PLXNA4: variants seen among roughly 807,000 people sequenced by gnomAD.
PLXNA4 encodes plexin A4.
PLXNA4 carries 44 observed loss-of-function variants against 191.8 expected under a neutral mutation model. That is an observed-to-expected ratio of 0.23 (90% CI 0.18 to 0.29). The LOEUF (loss-of-function observed/expected upper bound fraction) is 0.29, where lower values mean the gene tolerates loss of function less well. PLXNA4 is among the 10% of genes least tolerant of loss of function. The pLI is 1.00. For missense variants in PLXNA4, 1,800 were observed against 2,488.8 expected, an observed-to-expected ratio of 0.72 and a Z score of 5.89; for synonymous variants, 1,082 against 1,009.5, an observed-to-expected ratio of 1.07 and a Z score of -1.36.
chr7:132,164,111 A>G (rs1371779998), intron 24 of PLXNA4, 31 bp downstream of exon 24: 1 of 1,612,244 alleles, frequency 6.2e-7, no homozygotes, highest in Admixed American at 1.7e-5. Context: ...CGCCTGTCAA[A>G]GCCCCAGGGG....
intron 1 of PLXNA4, among the ~76,000 whole-genome samples, chr7:132,564,960 G>T (rs560437046): frequency 2.0e-5 from 3 of 151,624 alleles, no homozygotes; most frequent in Admixed American, 2.0e-4. Context: ...TCTCCTTTCC[G>T]ACCTGCCATC....
intron 3 of PLXNA4, among the ~76,000 whole-genome samples, chr7:132,359,004 G>C (rs1803821304): frequency 6.6e-6 from 1 of 152,148 alleles, no homozygotes. Context: ...ACCAGAATCA[G>C]ACCACCTGGG....
chr7:132,196,266 C>T (rs539152211), intron 13 of PLXNA4, among the ~76,000 whole-genome samples: 1 of 152,340 alleles, frequency 6.6e-6, no homozygotes, highest in Non-Finnish European at 1.5e-5. Context: ...TCTTGCCTAC[C>T]TACCATGCCA....
intron 20 of PLXNA4, among the ~76,000 whole-genome samples, chr7:132,178,733 T>TACACACACACACACAC (rs1483083663): frequency 2.5e-5 from 1 of 39,608 alleles, no homozygotes; most frequent in Non-Finnish European, 4.3e-5. Flanking sequence ...CACACACACT[T>TACACACACACACACAC]GTAAATGAAA....
chr7:132,565,206 G>A (rs889611916), intron 1 of PLXNA4, among the ~76,000 whole-genome samples: 5 of 152,152 alleles, frequency 3.3e-5, no homozygotes, highest in African/African-American at 7.2e-5. Context: ...GGCTGCAGAC[G>A]CGAAACAGCA....
chr7:132,129,751 T>C lies in PLXNA4; in HGVS notation c.*728A>G, dbSNP rs1794872928. The C allele has an allele frequency of 6.5e-6, 1 of 152,688 alleles. No homozygotes were observed. The highest frequency in any genetic ancestry group is 2.4e-5 in the African/African-American group (1 of 41,456). The allele number at this position is 152,688 out of a possible 1,614,324, so 9.5% of individuals were successfully genotyped here. Reference sequence around the variant, plus strand: ...GGAATGTAATTGCTATTCTTTCTCCTGCCTGGCTTTCTACTGGCGGGGGAG... The same window carrying C: ...GGAATGTAATTGCTATTCTTTCTCCCGCCTGGCTTTCTACTGGCGGGGGAG... On this transcript the variant is annotated 3_prime_UTR_variant, in exon 32 of 32. Transcript: ENST00000321063.
chr7:132,153,997 A>G (rs6962290), intron 25 of PLXNA4, among the ~76,000 whole-genome samples: 20,914 of 152,220 alleles, frequency 0.14, 2,189 homozygotes, highest in African/African-American at 0.29. Flanking sequence ...GCCACTAACC[A>G]GGCTAGGTAG....
At chr7:132,517,279 A>C (rs1798979129) in intron 1 of PLXNA4, among the ~76,000 whole-genome samples, 1 of 152,146 alleles carries the variant, frequency 6.6e-6, no homozygotes, top group South Asian at 2.1e-4. Flanking sequence ...TCCAGGTGTG[A>C]CTGTGTGAAT....
In PLXNA4 at chr7:132,223,744, A is replaced by G. The variant is rs976438239; in HGVS notation, c.1983-103T>C. 6 of 858,966 alleles carry G rather than the reference A, an allele frequency of 7.0e-6. No individual in the cohort carries two copies. In the African/African-American group the frequency reaches 1.0e-4, roughly 14 times the overall value. The allele number at this position is 858,966 out of a possible 1,614,324, so 53.2% of individuals were successfully genotyped here. A position where few individuals can be genotyped will look rare whatever the true frequency, so the allele number is the denominator to read the frequency against. ...AGCAAAACATTTTTAGTATTAAGAG[A>G]AACCACCGTTGAATGTGCAGGAAGG... On this transcript the variant is annotated intron_variant, in intron 8 of 31. Transcript: ENST00000321063.
intron 3 of PLXNA4, among the ~76,000 whole-genome samples, chr7:132,428,158 A>T: frequency 6.6e-6 from 1 of 152,106 alleles, no homozygotes; most frequent in Middle Eastern, 3.2e-3. Context: ...CCCACCAGAG[A>T]ACCCTGCAGT....
In PLXNA4 at chr7:132,508,544, A is replaced by T; in HGVS notation, c.150T>A (p.Gly50=). 3 of 1,613,776 alleles carry T rather than the reference A, an allele frequency of 1.9e-6. No individual in the cohort carries two copies. Among genetic ancestry groups the T allele is most frequent in the Non-Finnish European group, 2.5e-6 (3 of 1,179,932 alleles). The change falls in exon 2 of 32, where the codon GGT becomes GGA. Residue 50 remains glycine (G), a synonymous_variant. Transcript: ENST00000321063. This position sits in a 1 kb window ranked among gnomAD's most constrained non-coding sequence, Gnocchi z 4.4. ...FVTFRGEPAE[G]FNHLVVDERT... is the part of the protein sequence containing the mutation. ...TCTCATCCACCACCAGGTGATTGAA[A>T]CCCTCGGCGGGCTCTCCTCGGAATG...
chr7:132,161,942 C>G (rs991103194), intron 24 of PLXNA4, among the ~76,000 whole-genome samples: 34 of 152,178 alleles, frequency 2.2e-4, no homozygotes, highest in Non-Finnish European at 2.6e-4. Context: ...TGGCATGGTC[C>G]TTGGCCACAC....
chr7:132,249,581 C>T (rs1799176014), intron 4 of PLXNA4, among the ~76,000 whole-genome samples: 1 of 152,170 alleles, frequency 6.6e-6, no homozygotes, highest in African/African-American at 2.4e-5. Context: ...AGACCCCTTG[C>T]CAAGCGGGAG....
chr7:132,645,390 C>T (rs866478531), intron 2 of PLXNA4, among the ~76,000 whole-genome samples: 4 of 152,176 alleles, frequency 2.6e-5, no homozygotes, highest in Non-Finnish European at 5.9e-5. Flanking sequence ...CCTTCACGTG[C>T]GCTGTCTCTC....
intron 3 of PLXNA4, among the ~76,000 whole-genome samples, chr7:132,318,348 C>T (rs186605393): frequency 6.6e-6 from 1 of 152,216 alleles, no homozygotes; most frequent in East Asian, 1.9e-4. Flanking sequence ...CGCAATACTG[C>T]CCAGAACCCA....
chr7:132,632,304 A>G (rs1803508239), intron 2 of PLXNA4, among the ~76,000 whole-genome samples: 1 of 152,064 alleles, frequency 6.6e-6, no homozygotes, highest in Non-Finnish European at 1.5e-5. Context: ...TTCTGAAATT[A>G]GAGCTCATGG....
chr7:132,604,794 C>G (rs1320190977), intron 2 of PLXNA4, among the ~76,000 whole-genome samples: 1 of 152,170 alleles, frequency 6.6e-6, no homozygotes, highest in Non-Finnish European at 1.5e-5. Context: ...CGTGACATAC[C>G]TCTATTCCCA....
At chr7:132,138,434 CT>C (rs1412163133) in intron 30 of PLXNA4, among the ~76,000 whole-genome samples, 2 of 152,296 alleles carry the variant, frequency 1.3e-5, no homozygotes, top group Non-Finnish European at 2.9e-5. Flanking sequence ...CCGGACTTTA[CT>C]TTCCCCTCCA....
intron 2 of PLXNA4, among the ~76,000 whole-genome samples, chr7:132,499,072 C>T (rs73158857): frequency 0.034 from 5,188 of 152,292 alleles, 152 homozygotes; most frequent in Non-Finnish European, 0.049. Context: ...TGGAGAAGGG[C>T]ATTAAGCCAA....
Sources: allele counts gnomAD v4.1 joint callset (sites outside exome capture counted in the v4.1 genomes callset), GRCh38; gene constraint gnomAD v4.1.1; non-coding constraint Gnocchi (gnomAD v3.1); transcripts MANE v1.5; gene names NCBI Gene and HGNC (gene_info 2026-07-23, HGNC 2026-07-21).